Variants in ZNF705A observed in about 807,000 individuals in gnomAD.
ZNF705A encodes the protein zinc finger protein 705A.
A neutral mutation model predicts 16.6 loss-of-function variants in ZNF705A; 8 were observed. That is an observed-to-expected ratio of 0.48 (90% CI 0.28 to 0.87). ZNF705A has a LOEUF of 0.87. Ranked by LOEUF, ZNF705A falls within the 40% of genes least tolerant of loss-of-function variation. The pLI is 0.10. For missense variants in ZNF705A, 233 were observed against 359.9 expected (o/e 0.65, Z 2.85); for synonymous variants, 73 against 117.3 (o/e 0.62, Z 2.44).
chr12:8,167,797 C>T (rs778763501), upstream of ZNF705A, among the ~76,000 whole-genome samples: 69 of 152,128 alleles, frequency 4.5e-4, no homozygotes, highest in Middle Eastern at 0.017. Flanking sequence ...GGGCATACAG[C>T]GGAAAAAGAG....
intron 1 of ZNF705A, among the ~76,000 whole-genome samples, chr12:8,161,782 A>G (rs761348863): frequency 6.6e-6 from 1 of 152,252 alleles, no homozygotes; most frequent in Non-Finnish European, 1.5e-5. Flanking sequence ...TACTTACCCA[A>G]AAGCACGGAG....
exon 5 of ZNF705A, chr12:8,179,455 G>C (rs892190660): frequency 2.0e-5 from 3 of 152,186 alleles, no homozygotes; most frequent in African/African-American, 7.2e-5. Flanking sequence ...TGTATTGTCC[G>C]TGAAGGAGCC....
upstream of ZNF705A, among the ~76,000 whole-genome samples, chr12:8,171,326 G>A (rs1948443163): frequency 1.3e-5 from 2 of 152,148 alleles, no homozygotes; most frequent in Admixed American, 6.5e-5. Context: ...AATAATACAT[G>A]CATGTTTCCC....
At chr12:8,162,224 C>T (rs977618532) in intron 1 of ZNF705A, among the ~76,000 whole-genome samples, 5 of 152,110 alleles carry the variant, frequency 3.3e-5, no homozygotes, top group Non-Finnish European at 7.4e-5. Context: ...AGAGAAAAGG[C>T]ATAACAGGTA....
At chr12:8,169,710 G>C (rs1462974617), upstream of ZNF705A, among the ~76,000 whole-genome samples, 2 of 152,200 alleles carry the variant, frequency 1.3e-5, no homozygotes, top group Non-Finnish European at 2.9e-5. Flanking sequence ...AAGATCTGTT[G>C]GAGAACATGG....
chr12:8,157,282 A>C (rs1948317452), intron 1 of ZNF705A, among the ~76,000 whole-genome samples, 190 bp downstream of exon 1: 1 of 152,192 alleles, frequency 6.6e-6, no homozygotes, highest in Non-Finnish European at 1.5e-5. Context: ...TAGGCAAAAG[A>C]ATCAGGAAGC....
chr12:8,162,164 T>C (rs74060107), intron 1 of ZNF705A, among the ~76,000 whole-genome samples: 8,088 of 152,188 alleles, frequency 0.053, 570 homozygotes, highest in African/African-American at 0.16. Flanking sequence ...ATAAACTCCC[T>C]TTCAAACCAG....
chr12:8,174,174 A>G, intron 1 of ZNF705A, 152 bp from the exon 3 acceptor site: 1 of 1,390,974 alleles, frequency 7.2e-7, no homozygotes, highest in Non-Finnish European at 9.7e-7. Flanking sequence ...TCTGAAAGGC[A>G]GATACCAGCT....
chr12:8,177,252 A>G (rs1202860528), exon 5 of ZNF705A: 4 of 1,611,822 alleles, frequency 2.5e-6, no homozygotes, highest in Non-Finnish European at 3.4e-6. Flanking sequence ...AGACGGCACA[A>G]GATGACTCAC....
upstream of ZNF705A, among the ~76,000 whole-genome samples, chr12:8,169,870 C>T (rs1948430540): frequency 6.6e-6 from 1 of 152,020 alleles, no homozygotes; most frequent in Non-Finnish European, 1.5e-5. Context: ...ATTGAGGGTG[C>T]AGAATGGCTC....
chr12:8,168,659 A>G (rs957524978), upstream of ZNF705A, among the ~76,000 whole-genome samples: 33 of 152,256 alleles, frequency 2.2e-4, no homozygotes, highest in African/African-American at 8.0e-4. Flanking sequence ...TTCGTGGCCA[A>G]ACTAGAAATT....
At chr12:8,171,266 A>G (rs1489859877), upstream of ZNF705A, among the ~76,000 whole-genome samples, 3 of 152,194 alleles carry the variant, frequency 2.0e-5, no homozygotes, top group Non-Finnish European at 2.9e-5. Flanking sequence ...ACACATAATT[A>G]TCACTTGTAC....
chr12:8,166,955 CT>C (rs34157170), intron 1 of ZNF705A, among the ~76,000 whole-genome samples: 65,924 of 150,738 alleles, frequency 0.44, 15,511 homozygotes, highest in Non-Finnish European at 0.55. Flanking sequence ...ATTTGCTTTC[CT>C]TTTAGTTACC....
intron 1 of ZNF705A, among the ~76,000 whole-genome samples, chr12:8,173,904 A>C (rs1948464081): frequency 6.6e-6 from 1 of 152,216 alleles, no homozygotes; most frequent in Non-Finnish European, 1.5e-5. Context: ...CATTAGAGAA[A>C]TAGTTTATTT....
chr12:8,159,498 A>T (rs1025528337), intron 1 of ZNF705A, among the ~76,000 whole-genome samples: 9 of 152,020 alleles, frequency 5.9e-5, no homozygotes, highest in Non-Finnish European at 5.9e-5. Flanking sequence ...CTTTATGGCC[A>T]TTCTTTCAGG....
chr12:8,177,444 G>T (rs777361497), exon 5 of ZNF705A: 1 of 1,612,000 alleles, frequency 6.2e-7, no homozygotes, highest in East Asian at 2.2e-5. Flanking sequence ...GGAAAAAAGT[G>T]TTATGAATGT....
At chr12:8,162,530 T>A (rs1948364319) in intron 1 of ZNF705A, among the ~76,000 whole-genome samples, 1 of 152,162 alleles carries the variant, frequency 6.6e-6, no homozygotes, top group Non-Finnish European at 1.5e-5. Flanking sequence ...GAAGAATCTT[T>A]CCTTCAAGAG....
chr12:8,178,765 A>T (rs1376389055), exon 5 of ZNF705A: 2 of 152,242 alleles, frequency 1.3e-5, no homozygotes, highest in African/African-American at 4.8e-5. Context: ...TGTTGAAAAA[A>T]CTTAGTATGT....
At chr12:8,178,312 A>C (rs1463535600) in exon 5 of ZNF705A, 1 of 153,042 alleles carries the variant, frequency 6.5e-6, no homozygotes, top group Non-Finnish European at 1.5e-5. Flanking sequence ...AATACTTCTT[A>C]CTGGAGAAGT....
Sources: gnomAD v4.1 joint callset for allele counts (sites outside exome capture counted in the v4.1 genomes callset) on GRCh38, gnomAD v4.1.1 for gene constraint, MANE v1.5 for transcripts, NCBI Gene and HGNC (gene_info 2026-07-23, HGNC 2026-07-21) for gene names.